Variants in HHIPL1 observed in about 807,000 individuals in gnomAD.
The protein encoded by HHIPL1 is HHIP like 1.
A neutral mutation model predicts 61.8 loss-of-function variants in HHIPL1; 43 were observed. The ratio of observed to expected loss-of-function variants is 0.70; its 90% CI spans 0.55 to 0.90. HHIPL1 has a LOEUF of 0.90. HHIPL1 is among the 40% of genes least tolerant of loss of function. The probability of loss-of-function intolerance (pLI) is 0.00; values close to 1 mark genes in which losing one functional copy is unlikely to be tolerated. For missense variants in HHIPL1, 1,056 were observed against 1,157.7 expected, an observed-to-expected ratio of 0.91 and a Z score of 1.28; for synonymous variants, 482 against 515.8, an observed-to-expected ratio of 0.93 and a Z score of 0.89.
At chr14:99,626,556 C>T in the HHIPL1 span, among the ~76,000 whole-genome samples, 6 of 152,214 alleles carry the variant, frequency 3.9e-5, no homozygotes, top group African/African-American at 7.2e-5. Context: ...CCCAAGCTGG[C>T]CCTGTGAGCT....
At chr14:99,623,046 G>T in the HHIPL1 span, among the ~76,000 whole-genome samples, 1 of 152,250 alleles carries the variant, frequency 6.6e-6, no homozygotes, top group Non-Finnish European at 1.5e-5. Flanking sequence ...AGCTGGGAAG[G>T]TGTCACTGCA....
rs1041353597 is a variant in HHIPL1 at position 99,659,488 on chromosome 14, C to G, written c.1107C>G (p.Pro369=). 3.9e-6 allele frequency: 6 copies of G among 1,538,512 alleles called. No individual in the cohort carries two copies. Among genetic ancestry groups the G allele is most frequent in the Non-Finnish European group, 5.2e-6 (6 of 1,147,358 alleles). The change falls in exon 4 of 9, where the codon CCC becomes CCG. Residue 369 remains proline, a synonymous_variant. Coordinates refer to ENST00000330710, the MANE Select transcript of HHIPL1 (RefSeq NM_001127258.3). ...TGGACCGTAAGGAGCGCGGCCTGCC[C>G]TACGGCATCCCGCCCGACAACCCGT... ...IDVDRKERGL[P]YGIPPDNPFV...
chr14:99,661,415 G>GAAA (rs1353435008), intron 5 of HHIPL1, among the ~76,000 whole-genome samples: 69 of 59,912 alleles, frequency 1.2e-3, no homozygotes, highest in African/African-American at 4.9e-3. Flanking sequence ...GAGAGAGAGA[G>GAAA]AGAAAAGAAG....
upstream of HHIPL1, among the ~76,000 whole-genome samples, chr14:99,644,186 T>G (rs2055789883): frequency 6.6e-6 from 1 of 151,998 alleles, no homozygotes; most frequent in Non-Finnish European, 1.5e-5. Flanking sequence ...GACAGAAACA[T>G]GATCCCCCAG....
Position 99,668,801 on chromosome 14 carries a change from G to A in HHIPL1, c.1730+498G>A, listed in dbSNP as rs376586342. On this transcript the variant is annotated intron_variant, in intron 7 of 8. Coordinates refer to ENST00000330710, the MANE Select transcript of HHIPL1 (RefSeq NM_001127258.3). This position sits in a 1 kb window ranked among gnomAD's most constrained non-coding sequence, Gnocchi z 4.7. The stretch of plus-strand genomic sequence containing the variant: ...GGGAAAACACATTGGGGCTCCCTTC[G>A]CCGGCTCCATCTCCCCGGCTTCCCT... The A allele has an allele frequency of 2.7e-5, 44 of 1,610,432 alleles. No individual in the cohort carries two copies. In the East Asian group the frequency reaches 6.0e-4, roughly 22 times the overall value.
chr14:99,671,556 A>T (rs1005211768), intron 7 of HHIPL1, among the ~76,000 whole-genome samples: 1 of 152,122 alleles, frequency 6.6e-6, no homozygotes, highest in Non-Finnish European at 1.5e-5. Context: ...AATCCTATTG[A>T]AGTCGTGGGC....
intron 1 of HHIPL1, among the ~76,000 whole-genome samples, 178 bp from the exon 2 acceptor site, chr14:99,652,046 A>G (rs773159758): frequency 1.8e-4 from 27 of 152,156 alleles, no homozygotes; most frequent in Admixed American, 3.9e-4. Flanking sequence ...CAACACAAAC[A>G]TTAAGACCTA....
At position 99,652,780 on chromosome 14, in the gene HHIPL1, CAGTG is replaced by C; in HGVS notation, c.813_816del (p.Gly273SerfsTer29). On this transcript the variant is annotated frameshift_variant, in exon 2 of 9. Transcript: ENST00000330710. LOFTEE classifies it high-confidence loss of function. ...AACCGCAGGCTCTACGTCTACTACT[CAGTG>C]GGTATCCGCAGCAGTGAGTGGATCC... is the stretch of plus-strand genomic sequence containing the variant. 6.2e-7 allele frequency: 1 copy of C among 1,614,096 alleles called. No individual in the cohort carries two copies. Among genetic ancestry groups the C allele is most frequent in the Non-Finnish European group, 8.5e-7 (1 of 1,180,048 alleles).
At chr14:99,664,915 CTT>C (rs113486043) in intron 6 of HHIPL1, among the ~76,000 whole-genome samples, 1 of 141,704 alleles carries the variant, frequency 7.1e-6, no homozygotes, top group Admixed American at 7.1e-5. Flanking sequence ...TTTTTTTTTT[CTT>C]TTTTTTTTTT....
chr14:99,621,088 G>A, the HHIPL1 span, among the ~76,000 whole-genome samples: 1 of 152,148 alleles, frequency 6.6e-6, no homozygotes, highest in Non-Finnish European at 1.5e-5. Context: ...GACTTGCCCT[G>A]CTCTTTATGT....
intron 1 of HHIPL1, among the ~76,000 whole-genome samples, chr14:99,645,796 GT>G (rs1160539802): frequency 6.6e-6 from 1 of 152,190 alleles, no homozygotes; most frequent in African/African-American, 2.4e-5. Context: ...ACCCCTCAGC[GT>G]CCCACCCCGA....
At chr14:99,670,047 A>G (rs1024935897) in intron 7 of HHIPL1, among the ~76,000 whole-genome samples, 12 of 152,070 alleles carry the variant, frequency 7.9e-5, no homozygotes, top group Non-Finnish European at 1.5e-4. Context: ...CATAGTGTAC[A>G]TGTCAAAATT....
chr14:99,653,425 C>T (rs1210772465), intron 2 of HHIPL1, among the ~76,000 whole-genome samples: 2 of 152,164 alleles, frequency 1.3e-5, no homozygotes, highest in Non-Finnish European at 2.9e-5. Context: ...CTCCGCCTCC[C>T]GGGTTCAAGC....
At chr14:99,631,093 T>TC in the HHIPL1 span, among the ~76,000 whole-genome samples, 2 of 147,266 alleles carry the variant, frequency 1.4e-5, no homozygotes, top group African/African-American at 5.1e-5. Context: ...TCTTTCTTTC[T>TC]TTCTTTCTTT....
chr14:99,618,458 C>G, the HHIPL1 span, among the ~76,000 whole-genome samples: 1 of 152,300 alleles, frequency 6.6e-6, no homozygotes, highest in South Asian at 2.1e-4. Context: ...GGGCTCCACA[C>G]TGAGGGCTTC....
chr14:99,667,187 T>C (rs902929703), intron 6 of HHIPL1, among the ~76,000 whole-genome samples: 2 of 152,208 alleles, frequency 1.3e-5, no homozygotes, highest in Admixed American at 6.5e-5. Context: ...GTGTGCCTTG[T>C]GTCTGGGCTC....
At chr14:99,605,265 C>A in the HHIPL1 span, among the ~76,000 whole-genome samples, 1 of 152,244 alleles carries the variant, frequency 6.6e-6, no homozygotes, top group Non-Finnish European at 1.5e-5. Flanking sequence ...CCACAGAACT[C>A]CCCACCGGCG....
chr14:99,649,216 GGCTCCCTGAGGGAACTTTT>G (rs1478506855), intron 1 of HHIPL1, among the ~76,000 whole-genome samples: 1 of 152,202 alleles, frequency 6.6e-6, no homozygotes, highest in Non-Finnish European at 1.5e-5. Context: ...TCTTCGGCCT[GGCTCCCTGAGGGAACTTTT>G]GCTCCCTCTG....
chr14:99,610,034 A>G, the HHIPL1 span, among the ~76,000 whole-genome samples: 1 of 152,152 alleles, frequency 6.6e-6, no homozygotes, highest in Non-Finnish European at 1.5e-5. Context: ...TGATGGAAAT[A>G]AAGAGATTGA....
Sources: gnomAD v4.1 joint callset for allele counts (sites outside exome capture counted in the v4.1 genomes callset) on GRCh38, gnomAD v4.1.1 for gene constraint, Gnocchi (gnomAD v3.1) non-coding constraint, MANE v1.5 for transcripts, NCBI Gene and HGNC (gene_info 2026-07-23, HGNC 2026-07-21) for gene names.